Variants in UBE2E2 observed in about 807,000 individuals in gnomAD.
UBE2E2 encodes ubiquitin conjugating enzyme E2 E2, also known as ubiquitin-conjugating enzyme E2 E2.
UBE2E2 carries 6 observed loss-of-function variants against 24.7 expected under a neutral mutation model. The observed-to-expected ratio is 0.24, with a 90% CI of 0.13 to 0.48. The LOEUF is 0.48. UBE2E2 is among the 20% of genes least tolerant of loss of function. The pLI is 0.99. For missense variants in UBE2E2, 169 were observed against 245.0 expected, an observed-to-expected ratio of 0.69 and a Z score of 2.07; for synonymous variants, 104 against 83.6, an observed-to-expected ratio of 1.24 and a Z score of -1.33.
At chr3:23,373,101 T>A (rs1400065008) in intron 3 of UBE2E2, among the ~76,000 whole-genome samples, 1 of 152,110 alleles carries the variant, frequency 6.6e-6, no homozygotes, top group Non-Finnish European at 1.5e-5. Context: ...GCCTCTAAAC[T>A]CCAGACCCTT....
chr3:23,495,128 G>T (rs1699575306), intron 3 of UBE2E2, among the ~76,000 whole-genome samples: 1 of 152,170 alleles, frequency 6.6e-6, no homozygotes, highest in African/African-American at 2.4e-5. Context: ...ATTTCTTAAA[G>T]TGGCACACTT....
chr3:23,400,364 C>G (rs1273338429), intron 3 of UBE2E2, among the ~76,000 whole-genome samples: 2 of 152,040 alleles, frequency 1.3e-5, no homozygotes, highest in Non-Finnish European at 2.9e-5. Context: ...GAGTTGGGGT[C>G]TTTCTATGTT....
intron 3 of UBE2E2, among the ~76,000 whole-genome samples, chr3:23,256,674 C>T (rs939583945): frequency 8.9e-5 from 13 of 145,300 alleles, no homozygotes; most frequent in African/African-American, 2.7e-4. Context: ...AGGTCAGTAG[C>T]ATGCTGTATT....
intron 2 of UBE2E2, among the ~76,000 whole-genome samples, chr3:23,216,985 C>G (rs561130263): frequency 1.8e-4 from 27 of 152,184 alleles, no homozygotes; most frequent in Admixed American, 1.5e-3. Context: ...AAATTTCCAG[C>G]TTTAGAAATT....
At chr3:23,256,390 C>T (rs1697722268) in intron 3 of UBE2E2, among the ~76,000 whole-genome samples, 1 of 151,988 alleles carries the variant, frequency 6.6e-6, no homozygotes, top group Non-Finnish European at 1.5e-5. Flanking sequence ...TTTTATTAGC[C>T]TTTTAAAGGA....
At chr3:23,531,928 G>A (rs867010909) in intron 4 of UBE2E2, among the ~76,000 whole-genome samples, 1 of 152,102 alleles carries the variant, frequency 6.6e-6, no homozygotes, top group Middle Eastern at 3.4e-3. Flanking sequence ...TGGGTGTGGT[G>A]GCGGGCACCT....
intron 3 of UBE2E2, among the ~76,000 whole-genome samples, chr3:23,455,789 T>G (rs1403369014): frequency 6.6e-6 from 1 of 152,172 alleles, no homozygotes; most frequent in Non-Finnish European, 1.5e-5. Context: ...GGGTCTTTCC[T>G]TGATGTGGAT....
At chr3:23,580,211 AAAG>A (rs1425546510) in intron 5 of UBE2E2, among the ~76,000 whole-genome samples, 2 of 152,250 alleles carry the variant, frequency 1.3e-5, no homozygotes, top group Non-Finnish European at 2.9e-5. Context: ...TCCGATTTTG[AAAG>A]AAGTTCTGTA....
intron 3 of UBE2E2, among the ~76,000 whole-genome samples, chr3:23,325,003 G>A (rs1388595967): frequency 1.3e-5 from 2 of 152,086 alleles, no homozygotes; most frequent in African/African-American, 4.8e-5. Context: ...TACACCAATT[G>A]CTTTCTGCCG....
chr3:23,362,058 A>G (rs866085997), intron 3 of UBE2E2, among the ~76,000 whole-genome samples: 27 of 152,222 alleles, frequency 1.8e-4, no homozygotes, highest in African/African-American at 6.0e-4. Context: ...AAATTCAGGA[A>G]GAAGGGGCCA....
intron 3 of UBE2E2, among the ~76,000 whole-genome samples, chr3:23,413,577 AC>A (rs1404541982): frequency 1.3e-5 from 2 of 151,088 alleles, no homozygotes; most frequent in East Asian, 3.9e-4. Flanking sequence ...GCCTGGAACC[AC>A]TCCTTGGCCC....
intron 3 of UBE2E2, among the ~76,000 whole-genome samples, chr3:23,240,074 A>T (rs1697218633): frequency 6.6e-6 from 1 of 152,118 alleles, no homozygotes; most frequent in Admixed American, 6.6e-5. Context: ...ACTATTATAG[A>T]CTGGGAGAAT....
chr3:23,350,042 C>G (rs1202391682), intron 3 of UBE2E2, among the ~76,000 whole-genome samples: 1 of 152,190 alleles, frequency 6.6e-6, no homozygotes, highest in Non-Finnish European at 1.5e-5. Flanking sequence ...ACAAAACTTC[C>G]AAAGGAACGA....
chr3:23,495,022 G>A (rs756733912), intron 3 of UBE2E2, among the ~76,000 whole-genome samples: 14 of 152,160 alleles, frequency 9.2e-5, no homozygotes, highest in African/African-American at 2.6e-4. Context: ...TGATCTGCCC[G>A]CCTCAGCCTC....
chr3:23,539,565 G>A (rs890971689), intron 5 of UBE2E2, among the ~76,000 whole-genome samples: 1 of 152,100 alleles, frequency 6.6e-6, no homozygotes, highest in Admixed American at 6.5e-5. Flanking sequence ...CCTTACTTCT[G>A]TTTCCTTACT....
At chr3:23,513,000 G>A (rs1358847985) in intron 4 of UBE2E2, among the ~76,000 whole-genome samples, 2 of 151,966 alleles carry the variant, frequency 1.3e-5, no homozygotes, top group African/African-American at 4.8e-5. Flanking sequence ...TATATATACT[G>A]TGTATTTATG....
intron 3 of UBE2E2, among the ~76,000 whole-genome samples, chr3:23,369,171 G>A (rs536379302): frequency 6.6e-6 from 1 of 152,160 alleles, no homozygotes; most frequent in African/African-American, 2.4e-5. Flanking sequence ...TGTTTGTATT[G>A]TTAAAATAAA....
chr3:23,375,326 A>T (rs527893948), intron 3 of UBE2E2, among the ~76,000 whole-genome samples: 1 of 152,330 alleles, frequency 6.6e-6, no homozygotes, highest in East Asian at 1.9e-4. Context: ...ATAAACTAGT[A>T]AATCACTTTT....
Position 23,284,941 on chromosome 3 carries a change from T to C in UBE2E2, c.227+67629T>C, listed in dbSNP as rs139615653. Among the ~76,000 whole-genome samples the C allele has an allele frequency of 8.7e-4, 119 of 136,308 alleles. 2 individuals are homozygous for C. In the East Asian group the frequency reaches 0.023, roughly 27 times the overall value. 89.4% of individuals were successfully genotyped at this position (136,308 alleles called of 152,430 possible). ...TATTCATTTTTTTTTCATTTTTCTA[T>C]AGCTTCTTGTTGGAAAAAAAAATAT... On this transcript the variant is annotated intron_variant, in intron 3 of 5. Coordinates refer to ENST00000396703, the MANE Select transcript of UBE2E2 (RefSeq NM_152653.4).
Sources: allele counts gnomAD v4.1 joint callset (sites outside exome capture counted in the v4.1 genomes callset), GRCh38; gene constraint gnomAD v4.1.1; transcripts MANE v1.5; gene names NCBI Gene and HGNC (gene_info 2026-07-23, HGNC 2026-07-21).